NBEA: variants seen among roughly 807,000 people sequenced by gnomAD.
NBEA encodes lysosomal-trafficking regulator 2.
A neutral mutation model predicts 343.4 loss-of-function variants in NBEA; 44 were observed. The observed-to-expected ratio is 0.13, with a 90% CI of 0.10 to 0.16. The LOEUF is 0.16. NBEA is among the 10% of genes least tolerant of loss of function. The pLI is 1.00. For missense variants in NBEA, 2,555 were observed against 3,631.3 expected (o/e 0.70, Z 7.62); for synonymous variants, 1,175 against 1,238.7 (o/e 0.95, Z 1.08).
At chr13:35,431,920 G>A (rs764841626) in intron 38 of NBEA, among the ~76,000 whole-genome samples, 3 of 152,052 alleles carry the variant, frequency 2.0e-5, no homozygotes, top group Non-Finnish European at 4.4e-5. Context: ...GTAAAAGAAA[G>A]CAAACTGTAC....
At chr13:35,001,532 G>T (rs1856291396) in intron 1 of NBEA, among the ~76,000 whole-genome samples, 1 of 152,126 alleles carries the variant, frequency 6.6e-6, no homozygotes, top group South Asian at 2.1e-4. Flanking sequence ...AACATGGATG[G>T]AATGGAGGTC....
At chr13:35,551,693 G>C (rs1373264469) in intron 43 of NBEA, among the ~76,000 whole-genome samples, 4 of 139,454 alleles carry the variant, frequency 2.9e-5, no homozygotes, top group Non-Finnish European at 6.7e-5. Flanking sequence ...AAAAGATCTG[G>C]AGTTAAGGTG....
At chr13:35,426,714 T>A (rs533989146) in intron 38 of NBEA, among the ~76,000 whole-genome samples, 1 of 152,288 alleles carries the variant, frequency 6.6e-6, no homozygotes, top group East Asian at 1.9e-4. Flanking sequence ...TTGGGGAAGT[T>A]CTCCTGGATA....
intron 33 of NBEA, among the ~76,000 whole-genome samples, chr13:35,224,959 G>T (rs1455505870): frequency 6.6e-6 from 1 of 152,024 alleles, no homozygotes; most frequent in Non-Finnish European, 1.5e-5. Flanking sequence ...ATGTTTTCTT[G>T]TTGTTTTTGT....
At chr13:35,469,848 G>A (rs565086984) in intron 40 of NBEA, among the ~76,000 whole-genome samples, 6 of 152,298 alleles carry the variant, frequency 3.9e-5, no homozygotes, top group East Asian at 1.9e-4. Context: ...AAAGGGATCC[G>A]AGGTTTTCAA....
At chr13:35,592,987 T>G (rs1026853770) in intron 46 of NBEA, 1 of 201,986 alleles carries the variant, frequency 5.0e-6, no homozygotes, top group African/African-American at 2.3e-5. Flanking sequence ...GCAATGTTAG[T>G]GTATATATAG....
chr13:34,972,391 G>C (rs976516423), intron 1 of NBEA, among the ~76,000 whole-genome samples: 6 of 151,798 alleles, frequency 4.0e-5, no homozygotes, highest in Non-Finnish European at 8.8e-5. Flanking sequence ...TTTGCTCTTG[G>C]TTCTCTAGTT....
At chr13:35,346,663 G>A (rs1051598821) in intron 36 of NBEA, among the ~76,000 whole-genome samples, 1 of 152,122 alleles carries the variant, frequency 6.6e-6, no homozygotes, top group Non-Finnish European at 1.5e-5. Flanking sequence ...CCCCTCAACA[G>A]ATTGGAGAGA....
chr13:35,128,917 T>C (rs1184179625), intron 17 of NBEA, among the ~76,000 whole-genome samples: 1 of 151,930 alleles, frequency 6.6e-6, no homozygotes, highest in Admixed American at 6.6e-5. Context: ...TCTGAAAGCA[T>C]GGATGAAAAA....
intron 29 of NBEA, among the ~76,000 whole-genome samples, chr13:35,183,593 A>C (rs1010490347): frequency 9.9e-5 from 15 of 151,998 alleles, no homozygotes; most frequent in African/African-American, 3.6e-4. Context: ...TTTTAATTTT[A>C]TTATTCAAAT....
At chr13:35,311,384 A>G (rs180764547) in intron 36 of NBEA, among the ~76,000 whole-genome samples, 1 of 151,956 alleles carries the variant, frequency 6.6e-6, no homozygotes, top group Non-Finnish European at 1.5e-5. Context: ...TTGAACCTCT[A>G]AACACTTAAA....
intron 45 of NBEA, among the ~76,000 whole-genome samples, chr13:35,576,910 C>T (rs947274858): frequency 3.9e-5 from 6 of 152,100 alleles, no homozygotes; most frequent in East Asian, 3.8e-4. Flanking sequence ...AGTGTACTTA[C>T]GACTTTTGAT....
intron 34 of NBEA, among the ~76,000 whole-genome samples, chr13:35,271,873 C>T (rs761639901): frequency 6.6e-6 from 1 of 152,172 alleles, no homozygotes; most frequent in Non-Finnish European, 1.5e-5. Context: ...ACCAACTCTA[C>T]GCTTGATTGG....
chr13:35,438,185 G>A (rs1382565512), intron 39 of NBEA, among the ~76,000 whole-genome samples: 1 of 152,084 alleles, frequency 6.6e-6, no homozygotes, highest in Non-Finnish European at 1.5e-5. Context: ...AATAAGATAT[G>A]CTGAGAACTG....
chr13:35,420,112 T>C (rs911450077), intron 38 of NBEA, among the ~76,000 whole-genome samples: 2 of 152,048 alleles, frequency 1.3e-5, no homozygotes, highest in African/African-American at 4.8e-5. Flanking sequence ...ATTCCTCTTA[T>C]TTCCTCTCTT....
At chr13:35,436,602 C>T (rs560940914) in intron 39 of NBEA, among the ~76,000 whole-genome samples, 19 of 150,016 alleles carry the variant, frequency 1.3e-4, no homozygotes, top group Non-Finnish European at 2.2e-4. Context: ...CCCAGCTACT[C>T]GGGAGGCTGA....
At chr13:35,290,709 T>A (rs1361275995) in intron 35 of NBEA, among the ~76,000 whole-genome samples, 2 of 151,118 alleles carry the variant, frequency 1.3e-5, no homozygotes, top group African/African-American at 4.8e-5. Flanking sequence ...ATTCTTCCAT[T>A]GTTTCCTATC....
chr13:35,037,810 T>C (rs2062503723), intron 1 of NBEA, among the ~76,000 whole-genome samples: 1 of 152,192 alleles, frequency 6.6e-6, no homozygotes, highest in Admixed American at 6.5e-5. Flanking sequence ...AGCACAGTGC[T>C]GGGTCTTGCC....
chr13:35,560,533 G>T (rs2079809937), intron 44 of NBEA, among the ~76,000 whole-genome samples: 1 of 152,164 alleles, frequency 6.6e-6, no homozygotes, highest in African/African-American at 2.4e-5. Flanking sequence ...AGATTTGCTT[G>T]AGGATTTTTA....
Sources: allele counts gnomAD v4.1 joint callset (sites outside exome capture counted in the v4.1 genomes callset), GRCh38; gene constraint gnomAD v4.1.1; transcripts MANE v1.5; gene names NCBI Gene and HGNC (gene_info 2026-07-23, HGNC 2026-07-21).